CAPZB: variants seen among roughly 807,000 people sequenced by gnomAD.
CAPZB encodes F-actin-capping protein subunit beta.
A neutral mutation model predicts 38.1 loss-of-function variants in CAPZB; 2 were observed. That is an observed-to-expected ratio of 0.05 (90% confidence interval 0.02 to 0.17). The LOEUF (loss-of-function observed/expected upper bound fraction) is 0.17, where lower values mean the gene tolerates loss of function less well. Ranked by LOEUF, CAPZB falls within the 10% of genes least tolerant of loss-of-function variation. The pLI is 1.00. For synonymous variants in CAPZB, 107 were observed against 127.4 expected (o/e 0.84, Z 1.08); for missense variants, 161 against 334.2 (o/e 0.48, Z 4.04).
intron 6 of CAPZB, among the ~76,000 whole-genome samples, chr1:19,350,347 A>G (rs2093985050): frequency 6.6e-6 from 1 of 152,288 alleles, no homozygotes; most frequent in African/African-American, 2.4e-5. Context: ...CAAAAGGCCT[A>G]GAGCGGGACT....
At chr1:19,435,216 C>T (rs952992859) in intron 1 of CAPZB, among the ~76,000 whole-genome samples, 2 of 152,150 alleles carry the variant, frequency 1.3e-5, no homozygotes, top group African/African-American at 4.8e-5. Context: ...AGACAAGTTT[C>T]CTGAGAGCTG....
chr1:19,444,923 A>C (rs940472662), intron 1 of CAPZB, among the ~76,000 whole-genome samples: 2 of 152,016 alleles, frequency 1.3e-5, no homozygotes, highest in African/African-American at 4.8e-5. Context: ...TTGTATTTTT[A>C]GTAGAGACGG....
At chr1:19,363,019 C>T (rs1352438874) in intron 4 of CAPZB, among the ~76,000 whole-genome samples, 3 of 152,204 alleles carry the variant, frequency 2.0e-5, no homozygotes, top group East Asian at 1.9e-4. Context: ...ACTCTTTCAA[C>T]TGAGTGCCAT....
intron 2 of CAPZB, among the ~76,000 whole-genome samples, chr1:19,405,113 C>T (rs2094324486): frequency 6.6e-6 from 1 of 152,222 alleles, no homozygotes; most frequent in Non-Finnish European, 1.5e-5. Context: ...CTCCAAGAGG[C>T]ATCCGTCCCT....
chr1:19,365,044 G>A (rs555995558), intron 4 of CAPZB, among the ~76,000 whole-genome samples: 27 of 152,066 alleles, frequency 1.8e-4, no homozygotes, highest in African/African-American at 6.0e-4. Flanking sequence ...ACAGGGTCTC[G>A]CTATGCTCAG....
At chr1:19,453,843 G>A (rs1411625018) in intron 1 of CAPZB, among the ~76,000 whole-genome samples, 2 of 152,178 alleles carry the variant, frequency 1.3e-5, no homozygotes, top group African/African-American at 4.8e-5. Context: ...CCCTTGCTGG[G>A]GGCTAGGCAG....
rs558947269 is a variant in CAPZB at position 19,363,491 on chromosome 1, A to C, written c.330-5928T>G. On this transcript the variant is annotated intron_variant, in intron 4 of 8. Transcript: ENST00000264202. ...ATCACTCTTCCAGTTGAATAATGTC[A>C]TAGTCACGGATATAGATTCTATGTC... is the stretch of plus-strand genomic sequence containing the variant. Among the ~76,000 whole-genome samples, 371 of 152,266 alleles carry C rather than the reference A, an allele frequency of 2.4e-3. 1 individual carries two copies. The highest frequency in any genetic ancestry group is 7.7e-3 in the African/African-American group (318 of 41,552).
At chr1:19,394,903 G>A (rs913843690) in intron 2 of CAPZB, among the ~76,000 whole-genome samples, 2 of 152,126 alleles carry the variant, frequency 1.3e-5, no homozygotes, top group Admixed American at 1.3e-4. Context: ...TCCTGGGCTA[G>A]CGATGCACGG....
chr1:19,484,288 G>A, intron 1 of CAPZB: 3 of 1,610,354 alleles, frequency 1.9e-6, no homozygotes. Context: ...ATCGTGTCCA[G>A]GCCATATGCT....
intron 1 of CAPZB, chr1:19,448,912 C>A (rs568906973): frequency 6.2e-7 from 1 of 1,612,866 alleles, no homozygotes; most frequent in African/African-American, 1.3e-5. Flanking sequence ...ACTGCCTGGG[C>A]ATTGGAGGAG....
At chr1:19,466,435 G>T (rs1360796515) in intron 1 of CAPZB, among the ~76,000 whole-genome samples, 1 of 152,202 alleles carries the variant, frequency 6.6e-6, no homozygotes, top group African/African-American at 2.4e-5. Context: ...TGAGCTCATA[G>T]ATCACATGTC....
chr1:19,358,374 G>A (rs1173354480), intron 4 of CAPZB, among the ~76,000 whole-genome samples: 1 of 152,230 alleles, frequency 6.6e-6, no homozygotes, highest in African/African-American at 2.4e-5. Context: ...CTGACCTCAA[G>A]TGATCCACCC....
At chr1:19,477,845 G>A (rs2094612202) in intron 1 of CAPZB, among the ~76,000 whole-genome samples, 1 of 152,216 alleles carries the variant, frequency 6.6e-6, no homozygotes, top group African/African-American at 2.4e-5. Flanking sequence ...TCAGCCTCCT[G>A]AGTAGCTGGG....
intron 1 of CAPZB, among the ~76,000 whole-genome samples, chr1:19,485,215 AGGGCGGGGGCTGGGAGCG>A (rs2094646940): frequency 6.6e-6 from 1 of 152,116 alleles, no homozygotes; most frequent in Non-Finnish European, 1.5e-5. Flanking sequence ...GCTTGCGCCA[AGGGCGGGGGCTGGGAGCG>A]GGGGCAGGGT....
At chr1:19,404,795 C>A (rs544532059) in intron 2 of CAPZB, among the ~76,000 whole-genome samples, 1 of 152,158 alleles carries the variant, frequency 6.6e-6, no homozygotes, top group Non-Finnish European at 1.5e-5. Context: ...CCGCTCCTGT[C>A]AGGGATTCCA....
intron 2 of CAPZB, among the ~76,000 whole-genome samples, chr1:19,401,592 C>T (rs1307919404): frequency 6.6e-6 from 1 of 152,152 alleles, no homozygotes; most frequent in African/African-American, 2.4e-5. Flanking sequence ...TGGGAGAAGC[C>T]AGGGTGGATC....
chr1:19,383,192 T>C lies in CAPZB; in HGVS notation c.215+2313A>G, dbSNP rs187453300. Among the ~76,000 whole-genome samples, 334 of 151,182 alleles carry C rather than the reference T, an allele frequency of 2.2e-3. 1 individual carries two copies. Among genetic ancestry groups the C allele is most frequent in the Non-Finnish European group, 3.7e-3 (252 of 67,876 alleles). On this transcript the variant is annotated intron_variant, in intron 3 of 8. Transcript: ENST00000264202. ...TGGGCGCAGTGGCTCATGCCTATAATCCTGACATTTTGGGAAGCCAAGGCA... is the reference window on the plus strand; with the variant it reads ...TGGGCGCAGTGGCTCATGCCTATAACCCTGACATTTTGGGAAGCCAAGGCA...
intron 2 of CAPZB, among the ~76,000 whole-genome samples, chr1:19,395,110 A>G (rs2094259543): frequency 6.6e-6 from 1 of 152,078 alleles, no homozygotes; most frequent in African/African-American, 2.4e-5. Context: ...GATTAAAAGC[A>G]TTTTCTACTT....
intron 1 of CAPZB, among the ~76,000 whole-genome samples, chr1:19,465,393 C>T (rs1195026316): frequency 2.6e-5 from 4 of 152,196 alleles, no homozygotes; most frequent in Non-Finnish European, 5.9e-5. Flanking sequence ...CAAGACCTTG[C>T]TTACGGACTT....
Sources: gnomAD v4.1 joint callset for allele counts (sites outside exome capture counted in the v4.1 genomes callset) on GRCh38, gnomAD v4.1.1 for gene constraint, MANE v1.5 for transcripts, NCBI Gene and HGNC (gene_info 2026-07-23, HGNC 2026-07-21) for gene names.